Variants in POLDIP3 observed in about 807,000 individuals in gnomAD.
POLDIP3 encodes the protein polymerase delta-interacting protein 3.
POLDIP3 carries 14 observed loss-of-function variants against 45.1 expected under a neutral mutation model. That is an observed-to-expected ratio of 0.31 (90% CI 0.20 to 0.49). POLDIP3 has a LOEUF of 0.49. POLDIP3 is among the 20% of genes least tolerant of loss of function. The pLI is 0.99. For synonymous variants in POLDIP3, 223 were observed against 205.2 expected (o/e 1.09, Z -0.74); for missense variants, 511 against 538.8 (o/e 0.95, Z 0.51).
At chr22:42,605,174 C>T (rs1171363600) in intron 1 of POLDIP3, among the ~76,000 whole-genome samples, 3 of 152,358 alleles carry the variant, frequency 2.0e-5, no homozygotes, top group African/African-American at 7.2e-5. Context: ...GTCATCCAGG[C>T]TGGAGTGCAG....
intron 7 of POLDIP3, among the ~76,000 whole-genome samples, chr22:42,591,366 AT>A (rs928454518): frequency 2.6e-5 from 4 of 151,938 alleles, no homozygotes; most frequent in Non-Finnish European, 4.4e-5. Context: ...TTTATTTGTA[AT>A]TTTTTTTATT....
chr22:42,585,929 C>T lies in POLDIP3; in HGVS notation c.1128G>A (p.Glu376=), dbSNP rs752239357. The change falls in exon 9 of 9, where the codon GAG becomes GAA. Residue 376 remains glutamate, a synonymous_variant. Transcript: ENST00000252115. The stretch of plus-strand genomic sequence containing the variant: ...AGGCAGAGTTCACCCTGCGAGGCAG[C>T]TCGCTCTCCTTTTTCATTGATGGGC... ...SDSPSMKKES[E]LPRRVNSASS... The T allele has an allele frequency of 1.9e-6, 3 of 1,613,446 alleles. No individual in the cohort carries two copies. The highest frequency in any genetic ancestry group is 2.5e-6 in the Non-Finnish European group (3 of 1,179,852).
intron 1 of POLDIP3, among the ~76,000 whole-genome samples, chr22:42,610,754 T>A (rs1306498667): frequency 6.6e-6 from 1 of 151,828 alleles, no homozygotes; most frequent in East Asian, 1.9e-4. Flanking sequence ...AATACAAAAA[T>A]AATTAGCCAG....
At chr22:42,594,228 C>T (rs972905354) in intron 6 of POLDIP3, among the ~76,000 whole-genome samples, 4 of 152,024 alleles carry the variant, frequency 2.6e-5, no homozygotes, top group Non-Finnish European at 5.9e-5. Flanking sequence ...ACTACTGGCA[C>T]TCCAGCCTGG....
At position 42,614,789 on chromosome 22, in the gene POLDIP3, G is replaced by T. The variant is rs762564495; in HGVS notation, c.59+10C>A. 6.2e-7 allele frequency: 1 copy of T among 1,614,028 alleles called. No homozygotes were observed. Among genetic ancestry groups the T allele is most frequent in the Non-Finnish European group, 8.5e-7 (1 of 1,179,892 alleles). On this transcript the variant is annotated intron_variant, in intron 1 of 8. Coordinates refer to ENST00000252115, the MANE Select transcript of POLDIP3 (RefSeq NM_032311.5). ...GACCCTAAACCCCGAAGAAAGGAAA[G>T]GCCTCTCACCGTCCTTTCGCCGCCG...
chr22:42,609,122 C>T (rs887121620), intron 1 of POLDIP3, among the ~76,000 whole-genome samples: 1 of 152,172 alleles, frequency 6.6e-6, no homozygotes, highest in Non-Finnish European at 1.5e-5. Context: ...CTGCTGGGGG[C>T]TCCTTTACAA....
Position 42,595,601 on chromosome 22 carries a change from G to T in POLDIP3, c.827C>A (p.Pro276Gln). 1 of 1,613,880 alleles carries T rather than the reference G, an allele frequency of 6.2e-7. No homozygotes were observed. Among genetic ancestry groups the T allele is most frequent in the Non-Finnish European group, 8.5e-7 (1 of 1,179,878 alleles). Residue 276 changes from proline to glutamine, a missense_variant, in exon 6 of 9, where the codon CCA becomes CAA. Around this residue, in one of 4 missense-constraint regions of POLDIP3, gnomAD observed 378 missense variants for 352.3 expected, o/e 1.07. Coordinates refer to ENST00000252115, the MANE Select transcript of POLDIP3 (RefSeq NM_032311.5). ...CACAGTCATCTTGGTGCCTTCCAATGGGCTGAGAACAGGCTGCCACACAGA... is the reference window on the plus strand; with the variant it reads ...CACAGTCATCTTGGTGCCTTCCAATTGGCTGAGAACAGGCTGCCACACAGA... ...ELPAAEPVLS[P>Q]LEGTKMTVNN...
intron 3 of POLDIP3, 116 bp downstream of exon 3, chr22:42,601,854 C>A: frequency 8.0e-7 from 1 of 1,257,380 alleles, no homozygotes. Context: ...TGGGAACTAC[C>A]AACTGAGCAA....
chr22:42,602,776 G>C lies in POLDIP3; in HGVS notation c.444C>G (p.Thr148=). The part of the protein sequence containing the change: ...TVTPALKLTK[T]IQVPQQKAMA... The stretch of plus-strand genomic sequence containing the variant: ...GACAAAAGCCACAACTCACCTGGAT[G>C]GTTTTGGTGAGCTTCAGAGCAGGGG... Residue 148 remains threonine, a synonymous_variant, in exon 2 of 9, where the codon ACC becomes ACG. Transcript: ENST00000252115. 6.3e-7 allele frequency: 1 copy of C among 1,596,120 alleles called. No homozygotes were observed. Among genetic ancestry groups the C allele is most frequent in the Non-Finnish European group, 8.6e-7 (1 of 1,169,504 alleles).
intron 1 of POLDIP3, among the ~76,000 whole-genome samples, chr22:42,605,067 G>A (rs571635433): frequency 6.6e-6 from 1 of 152,220 alleles, no homozygotes; most frequent in Admixed American, 6.5e-5. Flanking sequence ...CATGGAATCT[G>A]CCAGCATCCT....
At chr22:42,589,576 C>G (rs998888977) in intron 7 of POLDIP3, among the ~76,000 whole-genome samples, 13 of 151,964 alleles carry the variant, frequency 8.6e-5, no homozygotes, top group African/African-American at 2.9e-4. Context: ...TTGGGAAGCC[C>G]AGGTGGACGG....
chr22:42,599,695 T>C lies in POLDIP3; in HGVS notation c.633+3A>G. The C allele has an allele frequency of 6.3e-7, 1 of 1,590,316 alleles. No homozygotes were observed. Among genetic ancestry groups the C allele is most frequent in the South Asian group, 1.1e-5 (1 of 90,580 alleles). On this transcript the variant is annotated splice_donor_region_variant and intron_variant, in intron 4 of 8. Coordinates refer to ENST00000252115, the MANE Select transcript of POLDIP3 (RefSeq NM_032311.5). The stretch of plus-strand genomic sequence containing the variant: ...CAGTGTAAGAAAACATGAAATGCCA[T>C]ACCATGTGGTGGAGAAAGCCGCCTG...
At chr22:42,614,170 A>G (rs1457874485) in intron 1 of POLDIP3, among the ~76,000 whole-genome samples, 4 of 152,138 alleles carry the variant, frequency 2.6e-5, no homozygotes, top group African/African-American at 9.7e-5. Context: ...TCACTCTACC[A>G]CTTCCAGCCT....
rs1925982941 is a variant in POLDIP3 at position 42,596,275 on chromosome 22, G to A, written c.724C>T (p.Pro242Ser). 6.2e-7 allele frequency: 1 copy of A among 1,614,052 alleles called. No individual in the cohort carries two copies. Among genetic ancestry groups the A allele is most frequent in the Non-Finnish European group, 8.5e-7 (1 of 1,179,982 alleles). Residue 242 changes from proline to serine, a missense_variant, in exon 5 of 9, where the codon CCT becomes TCT. By Grantham distance (74) the Pro-to-Ser change is moderately conservative (BLOSUM62 -1). Around this residue, in one of 4 missense-constraint regions of POLDIP3, gnomAD observed 378 missense variants for 352.3 expected, o/e 1.07. Coordinates refer to ENST00000252115, the MANE Select transcript of POLDIP3 (RefSeq NM_032311.5). ...QNDAYTAPALPSSIRTKALTN... is the reference protein window; with the variant it reads ...QNDAYTAPALSSSIRTKALTN... ...AAGGCTTTTGTTCGAATAGAGGAAGGGAGAGCAGGAGCTGTGTATGCATCA... is the reference window on the plus strand; with the variant it reads ...AAGGCTTTTGTTCGAATAGAGGAAGAGAGAGCAGGAGCTGTGTATGCATCA...
Position 42,585,237 on chromosome 22 carries a change from G to A in POLDIP3, c.*554C>T, listed in dbSNP as rs1925227434. On this transcript the variant is annotated 3_prime_UTR_variant, in exon 9 of 9. Coordinates refer to ENST00000252115, the MANE Select transcript of POLDIP3 (RefSeq NM_032311.5). ...GTGAGGCCTGGAGCCACTGGGGAGA[G>A]GACAAGAGGCCTGAGACCTGCTCCC... 1.9e-6 allele frequency: 1 copy of A among 515,852 alleles called. No individual in the cohort carries two copies. The highest frequency in any genetic ancestry group is 3.9e-6 in the Non-Finnish European group (1 of 258,718). 32.0% of individuals were successfully genotyped at this position (515,852 alleles called of 1,614,324 possible).
In POLDIP3 at chr22:42,599,723, G is replaced by C. The variant is rs1226972296; in HGVS notation, c.608C>G (p.Ala203Gly). ...SVPTKQMKFAASGGFLHHMAG... is the reference protein window; with the variant it reads ...SVPTKQMKFAGSGGFLHHMAG... ...CATGTGGTGGAGAAAGCCGCCTGAG[G>C]CTGCAAACTTCATCTGTTTAGTAGG... The change falls in exon 4 of 9, where the codon GCC becomes GGC. Residue 203 changes from alanine to glycine, a missense_variant. Ala to Gly is a moderately conservative substitution (Grantham distance 60, BLOSUM62 0). This residue lies in a region of POLDIP3 where 378 missense variants were observed against 352.3 expected (regional missense o/e 1.07). Transcript: ENST00000252115. 1 of 1,611,552 alleles carries C rather than the reference G, an allele frequency of 6.2e-7. No individual in the cohort carries two copies. Among genetic ancestry groups the C allele is most frequent in the Non-Finnish European group, 8.5e-7 (1 of 1,177,858 alleles).
rs143753609 is a variant in POLDIP3, at chr22:42,585,739, G to T, written c.*52C>A. On this transcript the variant is annotated 3_prime_UTR_variant, in exon 9 of 9. Transcript: ENST00000252115. ...CATTGGTCATAAGCTTTGCCTTGGG[G>T]AAACAGAGCCACCCTCCTCTGCCCC... The T allele has an allele frequency of 6.2e-4, 967 of 1,565,464 alleles. 4 individuals are homozygous for T. In the African/African-American group the frequency reaches 0.012, roughly 20 times the overall value.
chr22:42,607,263 C>T (rs1317110774), intron 1 of POLDIP3, among the ~76,000 whole-genome samples: 4 of 152,364 alleles, frequency 2.6e-5, no homozygotes, highest in Admixed American at 6.5e-5. Flanking sequence ...AGGCGCGCAC[C>T]GCCATGCCTG....
At chr22:42,587,449 G>C (rs1234414591) in intron 8 of POLDIP3, 57 bp downstream of exon 8, 1 of 1,518,696 alleles carries the variant, frequency 6.6e-7, no homozygotes, top group Non-Finnish European at 9.1e-7. Context: ...TTACCCATTA[G>C]AACAAAAAGA....
Sources: allele counts gnomAD v4.1 joint callset (sites outside exome capture counted in the v4.1 genomes callset), GRCh38; gene constraint gnomAD v4.1.1; regional missense constraint gnomAD v4.1.1; transcripts MANE v1.5; gene names NCBI Gene and HGNC (gene_info 2026-07-23, HGNC 2026-07-21).